KLF8: variants seen among roughly 807,000 people sequenced by gnomAD.
The protein encoded by KLF8 is KLF transcription factor 8, also known as Krueppel-like factor 8.
A neutral mutation model predicts 18.2 loss-of-function variants in KLF8; 10 were observed. That is an observed-to-expected ratio of 0.55 (90% CI 0.34 to 0.93). The LOEUF (loss-of-function observed/expected upper bound fraction) is 0.93, where lower values mean the gene tolerates loss of function less well. Ranked by LOEUF, KLF8 falls within the 40% of genes least tolerant of loss-of-function variation. The pLI is 0.02. For missense variants in KLF8, 264 were observed against 277.9 expected (o/e 0.95, Z 0.36); for synonymous variants, 109 against 97.3 (o/e 1.12, Z -0.71).
chrX:56,158,559 A>G, the KLF8 span, among the ~76,000 whole-genome samples: 1 of 111,017 alleles, frequency 9.0e-6, no homozygotes, highest in Non-Finnish European at 1.9e-5. Flanking sequence ...ATCCTCTTTT[A>G]TTTCCTTGAG....
upstream of KLF8, among the ~76,000 whole-genome samples, chrX:56,228,696 G>C (rs926702385): frequency 9.0e-6 from 1 of 111,527 alleles, no homozygotes; most frequent in Non-Finnish European, 1.9e-5. Context: ...GCTGTCCTCT[G>C]GGACATGTGA....
the KLF8 span, among the ~76,000 whole-genome samples, chrX:56,083,796 G>C: frequency 5.4e-5 from 6 of 111,334 alleles, no homozygotes; most frequent in African/African-American, 2.0e-4. Flanking sequence ...ATTGTGAACT[G>C]TGCATGTGAG....
chrX:56,179,663 C>A, the KLF8 span, among the ~76,000 whole-genome samples: 1 of 111,630 alleles, frequency 9.0e-6, no homozygotes, highest in Non-Finnish European at 1.9e-5. Context: ...GAGATACATC[C>A]CATCAATATC....
chrX:56,191,687 G>A, the KLF8 span, among the ~76,000 whole-genome samples: 183 of 111,677 alleles, frequency 1.6e-3, 1 homozygote, highest in Middle Eastern at 0.019. Context: ...TCAACAAAAT[G>A]AATGGCAAAA....
chrX:56,175,852 A>T, the KLF8 span, among the ~76,000 whole-genome samples: 1 of 111,496 alleles, frequency 9.0e-6, no homozygotes, highest in Non-Finnish European at 1.9e-5. Flanking sequence ...CCATTATGTA[A>T]TGGCCTTCTT....
the KLF8 span, among the ~76,000 whole-genome samples, chrX:56,117,903 G>A: frequency 9.0e-6 from 1 of 111,580 alleles, no homozygotes; most frequent in South Asian, 3.8e-4. Context: ...TCATGGTTCT[G>A]GAGGCTGGGA....
the KLF8 span, among the ~76,000 whole-genome samples, chrX:56,106,044 C>T: frequency 2.7e-5 from 3 of 111,473 alleles, no homozygotes; most frequent in East Asian, 5.7e-4. Context: ...TGAATATTGG[C>T]CCCCACTCTC....
At chrX:56,184,604 G>T in the KLF8 span, among the ~76,000 whole-genome samples, 1 of 112,165 alleles carries the variant, frequency 8.9e-6, no homozygotes. Context: ...CTCCTGAGCA[G>T]CCTAACTGGG....
chrX:56,246,516 A>T (rs1040688053), intron 1 of KLF8, among the ~76,000 whole-genome samples: 1 of 111,538 alleles, frequency 9.0e-6, no homozygotes, highest in African/African-American at 3.3e-5. Context: ...CATTTTACAG[A>T]TGAGAAAACA....
chrX:55,994,383 T>C, the KLF8 span, among the ~76,000 whole-genome samples: 24 of 111,130 alleles, frequency 2.2e-4, no homozygotes, highest in Admixed American at 2.0e-3. Flanking sequence ...ACTTTTCATT[T>C]TGTTGATTGT....
At chrX:56,205,587 T>A in the KLF8 span, among the ~76,000 whole-genome samples, 2 of 112,512 alleles carry the variant, frequency 1.8e-5, no homozygotes, top group African/African-American at 6.4e-5. Context: ...GATTTTTGCA[T>A]CAATATTCAT....
At chrX:56,160,058 G>A in the KLF8 span, among the ~76,000 whole-genome samples, 1 of 111,658 alleles carries the variant, frequency 9.0e-6, no homozygotes, top group Non-Finnish European at 1.9e-5. Flanking sequence ...ACACTGCTTT[G>A]AATGTGTCCC....
chrX:56,130,636 A>G, the KLF8 span, among the ~76,000 whole-genome samples: 3 of 111,556 alleles, frequency 2.7e-5, no homozygotes, highest in African/African-American at 9.8e-5. Flanking sequence ...CTCACCAGCA[A>G]TGGATCCAAG....
chrX:56,048,671 C>A, the KLF8 span, among the ~76,000 whole-genome samples: 1 of 111,685 alleles, frequency 9.0e-6, no homozygotes, highest in Admixed American at 9.5e-5. Flanking sequence ...GTTACTGTAG[C>A]CTTGTAGTAT....
rs1050205610 is a variant in KLF8 at position 56,288,596 on chromosome X, T to A, written c.*4102T>A. Reference sequence around the variant, plus strand: ...TTTTGGTTTCCCAGTGCATATAAAATTTTATGTTTACACTATCCTGTAGTC... The same window carrying A: ...TTTTGGTTTCCCAGTGCATATAAAAATTTATGTTTACACTATCCTGTAGTC... On this transcript the variant is annotated 3_prime_UTR_variant, in exon 6 of 6. Coordinates refer to ENST00000468660, the MANE Select transcript of KLF8 (RefSeq NM_007250.5). Among the ~76,000 whole-genome samples the A allele has an allele frequency of 1.8e-5, 2 of 112,217 alleles. No homozygotes were observed. The highest frequency in any genetic ancestry group is 9.4e-5 in the Admixed American group (1 of 10,596).
rs1298438501 is a variant in KLF8, at chrX:56,289,274, C to T, written c.*4780C>T. On this transcript the variant is annotated 3_prime_UTR_variant, in exon 6 of 6. Transcript: ENST00000468660. Reference sequence around the variant, plus strand: ...ACACCCCCATCATTTTTTTTTAGCACGTCCTTACTTTCTGCCACTGCAAGA... The same window carrying T: ...ACACCCCCATCATTTTTTTTTAGCATGTCCTTACTTTCTGCCACTGCAAGA... Among the ~76,000 whole-genome samples the T allele has an allele frequency of 6.3e-5, 7 of 110,645 alleles. No homozygotes were observed. The highest frequency in any genetic ancestry group is 2.8e-4 in the East Asian group (1 of 3,537).
At chrX:56,007,720 A>T in the KLF8 span, among the ~76,000 whole-genome samples, 1 of 111,704 alleles carries the variant, frequency 9.0e-6, no homozygotes. Context: ...CCATCTTTGA[A>T]AAAAACGTTT....
At chrX:56,126,752 CTTT>C in the KLF8 span, among the ~76,000 whole-genome samples, 253 of 72,550 alleles carry the variant, frequency 3.5e-3, no homozygotes, top group African/African-American at 8.8e-3. Context: ...TTCTTTCTTT[CTTT>C]TTTTTTTTTT....
At chrX:56,147,375 T>A in the KLF8 span, among the ~76,000 whole-genome samples, 1 of 112,286 alleles carries the variant, frequency 8.9e-6, no homozygotes, top group South Asian at 3.7e-4. Context: ...AAGGGGCTTT[T>A]AACTCTTACA....
Sources: allele counts gnomAD v4.1 joint callset (sites outside exome capture counted in the v4.1 genomes callset), GRCh38; gene constraint gnomAD v4.1.1; transcripts MANE v1.5; gene names NCBI Gene and HGNC (gene_info 2026-07-23, HGNC 2026-07-21).